Variants in FANCL observed in about 807,000 individuals in gnomAD.
FANCL encodes the protein E3 ubiquitin-protein ligase FANCL.
In FANCL, 69 loss-of-function variants were observed where a neutral mutation model predicts 59.4. That is an observed-to-expected ratio of 1.16 (90% CI 0.96 to 1.42). The LOEUF (loss-of-function observed/expected upper bound fraction) is 1.42, where lower values mean the gene tolerates loss of function less well. Ranked by LOEUF, FANCL falls within the 40% of genes most tolerant of loss-of-function variation. FANCL has a pLI of 0.00. For missense variants in FANCL, 519 were observed against 447.2 expected, an observed-to-expected ratio of 1.16 and a Z score of -1.45; for synonymous variants, 180 against 147.1, an observed-to-expected ratio of 1.22 and a Z score of -1.62.
At chr2:58,163,942 A>G (rs1056407385) in intron 8 of FANCL, among the ~76,000 whole-genome samples, 8 of 152,006 alleles carry the variant, frequency 5.3e-5, no homozygotes, top group Non-Finnish European at 7.4e-5. Flanking sequence ...AAAGACCAAC[A>G]ATACAGTAAA....
At chr2:58,219,439 A>T (rs973527769) in intron 5 of FANCL, among the ~76,000 whole-genome samples, 2 of 151,926 alleles carry the variant, frequency 1.3e-5, no homozygotes, top group Admixed American at 6.6e-5. Flanking sequence ...ACTGTGCCCT[A>T]AAGGAGGTGT....
At chr2:58,173,457 C>A (rs1041395069) in intron 7 of FANCL, among the ~76,000 whole-genome samples, 1 of 152,120 alleles carries the variant, frequency 6.6e-6, no homozygotes, top group African/African-American at 2.4e-5. Context: ...ACTCTACAAG[C>A]CAGAAGAGAG....
At chr2:58,219,136 A>G (rs1306347604) in intron 5 of FANCL, among the ~76,000 whole-genome samples, 1 of 97,614 alleles carries the variant, frequency 1.0e-5, no homozygotes, top group African/African-American at 4.3e-5. Flanking sequence ...AAGTAAATAC[A>G]TGCTAAAAAA....
At chr2:58,163,407 A>G (rs374928731) in intron 9 of FANCL, 27 bp downstream of exon 9, 2 of 1,481,680 alleles carry the variant, frequency 1.3e-6, no homozygotes, top group Non-Finnish European at 1.9e-6. Context: ...ACTCTATTAA[A>G]AAACGTTTAA....
intron 7 of FANCL, among the ~76,000 whole-genome samples, chr2:58,183,648 ATTTTT>A (rs1437569410): frequency 6.6e-6 from 1 of 151,888 alleles, no homozygotes; most frequent in Non-Finnish European, 1.5e-5. Flanking sequence ...GACAATGACA[ATTTTT>A]TATTCTCTTC....
intron 7 of FANCL, among the ~76,000 whole-genome samples, chr2:58,195,638 T>C (rs557097957): frequency 2.1e-4 from 32 of 152,206 alleles, no homozygotes; most frequent in Admixed American, 3.3e-4. Context: ...GCCACAGAGA[T>C]ATTTATATCC....
intron 1 of FANCL, among the ~76,000 whole-genome samples, chr2:58,235,138 G>C (rs1429865821): frequency 6.6e-6 from 1 of 151,798 alleles, no homozygotes; most frequent in Admixed American, 6.6e-5. Context: ...CAATTCGCAA[G>C]GTATAGTACC....
chr2:58,194,842 T>C (rs746096056), intron 7 of FANCL, among the ~76,000 whole-genome samples: 3 of 151,150 alleles, frequency 2.0e-5, no homozygotes, highest in Admixed American at 6.6e-5. Flanking sequence ...ATCAAAACAT[T>C]ATCAACCCAG....
intron 7 of FANCL, among the ~76,000 whole-genome samples, chr2:58,175,938 C>T (rs1454258830): frequency 1.6e-4 from 24 of 152,130 alleles, no homozygotes; most frequent in African/African-American, 5.8e-4. Flanking sequence ...AGCAAAGTCT[C>T]AGGATACAAA....
At chr2:58,181,045 G>T (rs188658186) in intron 7 of FANCL, among the ~76,000 whole-genome samples, 227 of 151,932 alleles carry the variant, frequency 1.5e-3, no homozygotes, top group Non-Finnish European at 2.0e-3. Flanking sequence ...CCTTAACCTG[G>T]CAATTCTACT....
At chr2:58,182,173 A>G (rs1687998233) in intron 7 of FANCL, among the ~76,000 whole-genome samples, 1 of 151,914 alleles carries the variant, frequency 6.6e-6, no homozygotes, top group African/African-American at 2.4e-5. Flanking sequence ...AAATATTATC[A>G]GTAACTGTAA....
chr2:58,208,604 A>G (rs1315407738), intron 5 of FANCL, among the ~76,000 whole-genome samples: 1 of 152,214 alleles, frequency 6.6e-6, no homozygotes, highest in East Asian at 1.9e-4. Context: ...GATGCATTTA[A>G]GTAGTATTAA....
At position 58,241,309 on chromosome 2, in the gene FANCL, G is replaced by C. The variant is rs551142193; in HGVS notation, c.5C>G (p.Ala2Gly). 7.4e-6 allele frequency: 12 copies of C among 1,614,024 alleles called. No individual in the cohort carries two copies. The South Asian group carries it at 1.2e-4, about 16-fold the overall frequency. M[A>G]VTEASLLRQC... The stretch of plus-strand genomic sequence containing the variant: ...GCGCAACAGGCTCGCTTCCGTCACC[G>C]CCATGGCTCGAAGTCCGGAGAAACA... The change falls in exon 1 of 14, where the codon GCG becomes GGG. Residue 2 changes from alanine to glycine, a missense_variant. Transcript: ENST00000233741.
chr2:58,166,426 GT>G (rs1442226603), intron 7 of FANCL, among the ~76,000 whole-genome samples: 1 of 152,088 alleles, frequency 6.6e-6, no homozygotes, highest in Non-Finnish European at 1.5e-5. Context: ...TACAAATGAT[GT>G]TTTTCCACAT....
At position 58,163,297 on chromosome 2, in the gene FANCL, G is replaced by C. The variant is rs1685482802; in HGVS notation, c.775+137C>G. 5 of 754,796 alleles carry C rather than the reference G, an allele frequency of 6.6e-6. No individual in the cohort carries two copies. In the South Asian group the frequency reaches 8.2e-5, roughly 12 times the overall value. 46.8% of individuals were successfully genotyped at this position (754,796 alleles called of 1,614,324 possible). The stretch of plus-strand genomic sequence containing the variant: ...GATCGCGCCATTACACTACATACTG[G>C]GCAACAAGAGCAAAACTCCGTCTCA... On this transcript the variant is annotated intron_variant, in intron 9 of 13. Coordinates refer to ENST00000233741, the MANE Select transcript of FANCL (RefSeq NM_018062.4).
chr2:58,204,444 T>C (rs1358237276), intron 5 of FANCL, among the ~76,000 whole-genome samples: 1 of 152,124 alleles, frequency 6.6e-6, no homozygotes. Flanking sequence ...CTCTGGATTA[T>C]TTACAATGTG....
intron 7 of FANCL, among the ~76,000 whole-genome samples, chr2:58,188,372 T>C (rs1290213955): frequency 6.6e-6 from 1 of 152,172 alleles, no homozygotes; most frequent in Non-Finnish European, 1.5e-5. Flanking sequence ...TTATTTTAAC[T>C]ATCACAGGAC....
intron 1 of FANCL, among the ~76,000 whole-genome samples, chr2:58,239,766 C>T (rs1239015677): frequency 6.6e-6 from 1 of 152,172 alleles, no homozygotes; most frequent in Non-Finnish European, 1.5e-5. Flanking sequence ...TGTGTATACA[C>T]ACCCACCCAC....
At chr2:58,164,984 A>C (rs1685738887) in intron 8 of FANCL, among the ~76,000 whole-genome samples, 1 of 152,138 alleles carries the variant, frequency 6.6e-6, no homozygotes, top group African/African-American at 2.4e-5. Context: ...TTCACATCAG[A>C]ATTTCAAAAT....
Sources: allele counts gnomAD v4.1 joint callset (sites outside exome capture counted in the v4.1 genomes callset), GRCh38; gene constraint gnomAD v4.1.1; transcripts MANE v1.5; gene names NCBI Gene and HGNC (gene_info 2026-07-23, HGNC 2026-07-21).